Variants in ATAD2 observed in about 807,000 individuals in gnomAD.
The protein encoded by ATAD2 is ATPase family AAA domain-containing protein 2.
ATAD2 carries 62 observed loss-of-function variants against 168.9 expected under a neutral mutation model. The observed-to-expected ratio is 0.37, with a 90% CI of 0.30 to 0.45. The LOEUF (loss-of-function observed/expected upper bound fraction) is 0.45. Among genes scored for constraint, ATAD2 ranks in the 20% least tolerant of loss-of-function variants. The pLI is 1.00. For synonymous variants in ATAD2, 613 were observed against 571.6 expected (o/e 1.07, Z -1.03); for missense variants, 1,419 against 1,667.8 (o/e 0.85, Z 2.60).
chr8:123,336,836 C>T (rs72722096), intron 21 of ATAD2, among the ~76,000 whole-genome samples: 88 of 152,114 alleles, frequency 5.8e-4, no homozygotes, highest in Non-Finnish European at 9.4e-4. Flanking sequence ...TAAGACGTGG[C>T]TCTCCAGGTC....
intron 22 of ATAD2, 94 bp from the exon 23 acceptor site, chr8:123,334,416 T>TA: frequency 1.7e-6 from 2 of 1,180,476 alleles, no homozygotes; most frequent in Non-Finnish European, 2.3e-6. Context: ...TAGTAGCTCT[T>TA]ACAATTCCTT....
At chr8:123,336,731 TC>T (rs201084707) in intron 21 of ATAD2, among the ~76,000 whole-genome samples, 199 bp from the exon 22 acceptor site, 3,508 of 152,236 alleles carry the variant, frequency 0.023, 138 homozygotes, top group African/African-American at 0.081. Context: ...AGCTGTATCC[TC>T]CAGTAATTGT....
At chr8:123,344,352 T>TC (rs1471722374) in intron 19 of ATAD2, among the ~76,000 whole-genome samples, 3 of 147,654 alleles carry the variant, frequency 2.0e-5, no homozygotes, top group Admixed American at 6.7e-5. Context: ...TACTTTTTTT[T>TC]TTTTTTTTTT....
intron 8 of ATAD2, among the ~76,000 whole-genome samples, chr8:123,366,563 T>C (rs1364215500): frequency 2.0e-5 from 3 of 152,206 alleles, no homozygotes; most frequent in Non-Finnish European, 4.4e-5. Context: ...AGGAATGAAT[T>C]AATGGCATTT....
chr8:123,342,611 T>C (rs1385858522), intron 19 of ATAD2: 1 of 152,192 alleles, frequency 6.6e-6, no homozygotes, highest in African/African-American at 2.4e-5. Flanking sequence ...GGCGACAGTG[T>C]AGGGTATGAA....
intron 1 of ATAD2, among the ~76,000 whole-genome samples, chr8:123,392,013 G>C (rs1829837653): frequency 6.6e-6 from 1 of 152,186 alleles, no homozygotes; most frequent in Non-Finnish European, 1.5e-5. Context: ...ATCCAGCAGA[G>C]TGCATTCTAA....
chr8:123,389,986 T>TATA (rs58743148), intron 1 of ATAD2, among the ~76,000 whole-genome samples: 3,335 of 67,300 alleles, frequency 0.05, 85 homozygotes, highest in African/African-American at 0.11. Context: ...ATATATATAT[T>TATA]TTTTTTTTTT....
intron 1 of ATAD2, among the ~76,000 whole-genome samples, chr8:123,390,558 T>G (rs989778657): frequency 6.6e-6 from 1 of 152,234 alleles, no homozygotes; most frequent in African/African-American, 2.4e-5. Context: ...CTTTTCATGT[T>G]TCTGTACTGT....
At chr8:123,325,278 T>G in intron 26 of ATAD2, among the ~76,000 whole-genome samples, 1 of 148,738 alleles carries the variant, frequency 6.7e-6, no homozygotes, top group Non-Finnish European at 1.5e-5. Flanking sequence ...TTGTTTTATC[T>G]ATTATTTATT....
Position 123,361,564 on chromosome 8 carries a change from T to G in ATAD2, c.1132A>C (p.Arg378=). Residue 378 remains arginine, a synonymous_variant, in exon 9 of 28, where the codon AGG becomes CGG. Transcript: ENST00000287394. ...CTATTGATAGCCCTATTACGACTCC[T>G]TTTCCTCCGCCTCTCAAAGTGCTGT... ...DEQHFERRRK[R]SRNRAINRCL... The G allele has an allele frequency of 1.9e-6, 3 of 1,612,168 alleles. No homozygotes were observed. Among genetic ancestry groups the G allele is most frequent in the Non-Finnish European group, 2.5e-6 (3 of 1,178,622 alleles).
At chr8:123,391,797 T>C (rs1829832977) in intron 1 of ATAD2, among the ~76,000 whole-genome samples, 1 of 152,222 alleles carries the variant, frequency 6.6e-6, no homozygotes, top group South Asian at 2.1e-4. Context: ...TTGGTACTGA[T>C]GGGCTTGTCA....
At chr8:123,388,917 G>C (rs550984360) in intron 1 of ATAD2, among the ~76,000 whole-genome samples, 4 of 151,662 alleles carry the variant, frequency 2.6e-5, no homozygotes, top group Non-Finnish European at 5.9e-5. Flanking sequence ...TTAAAATACA[G>C]GCATTGCTTC....
Position 123,406,773 on chromosome 8 carries a change from C to T in ATAD2, c.-2281-5598G>A, listed in dbSNP as rs574504500. On this transcript the variant is annotated intron_variant, in intron 1 of 28. Transcript: ENST00000521903. ...TGGAGGCTGCAGTGAGCCGAGATCT[C>T]GCCACTGCACTTTAGCCTGGGTGAT... 5.4e-5 allele frequency among the ~76,000 whole-genome samples: 8 copies of T among 148,458 alleles called. No homozygotes were observed. The East Asian group carries it at 8.0e-4, about 15-fold the overall frequency.
chr8:123,395,395 A>T (rs997244810), intron 1 of ATAD2, among the ~76,000 whole-genome samples: 9 of 152,162 alleles, frequency 5.9e-5, no homozygotes, highest in Admixed American at 3.3e-4. Flanking sequence ...ACCTAGAAGC[A>T]GCACTTCTTT....
intron 1 of ATAD2, among the ~76,000 whole-genome samples, chr8:123,394,949 A>G (rs1456445660): frequency 6.6e-6 from 1 of 152,240 alleles, no homozygotes; most frequent in East Asian, 1.9e-4. Flanking sequence ...TCAGTAGAGT[A>G]GCAACCAGAA....
chr8:123,333,794 T>C (rs1473537995), intron 24 of ATAD2, 84 bp downstream of exon 24: 3 of 1,390,418 alleles, frequency 2.2e-6, no homozygotes, highest in Non-Finnish European at 2.9e-6. Context: ...TTAACACAAA[T>C]AAAGGAAAAT....
At chr8:123,359,411 T>C in intron 10 of ATAD2, 75 bp from the exon 11 acceptor site, 2 of 1,241,264 alleles carry the variant, frequency 1.6e-6, no homozygotes, top group Non-Finnish European at 2.3e-6. Flanking sequence ...CCATACACAG[T>C]CAATGAAGTA....
Position 123,396,421 on chromosome 8 carries a change from C to G in ATAD2, c.-64G>C, listed in dbSNP as rs1812835765. On this transcript the variant is annotated 5_prime_UTR_variant, in exon 1 of 28. Transcript: ENST00000287394. ...GAGATCCAGCTCCAGGCGCTCGCAGCTCTGGCTCTTCCGCGCTCCGAATTC... is the reference window on the plus strand; with the variant it reads ...GAGATCCAGCTCCAGGCGCTCGCAGGTCTGGCTCTTCCGCGCTCCGAATTC... 7.0e-7 allele frequency: 1 copy of G among 1,431,268 alleles called. No individual in the cohort carries two copies. The highest frequency in any genetic ancestry group is 2.7e-5 in the Admixed American group (1 of 37,714). 88.7% of individuals were successfully genotyped at this position (1,431,268 alleles called of 1,614,324 possible). A position where few individuals can be genotyped will look rare whatever the true frequency, so the allele number is the denominator to read the frequency against.
chr8:123,353,328 C>A (rs1225742528), intron 13 of ATAD2, among the ~76,000 whole-genome samples: 5 of 152,154 alleles, frequency 3.3e-5, no homozygotes, highest in Non-Finnish European at 5.9e-5. Context: ...CATACCACTG[C>A]ACTCCAGCCT....
Sources: allele counts gnomAD v4.1 joint callset (sites outside exome capture counted in the v4.1 genomes callset), GRCh38; gene constraint gnomAD v4.1.1; transcripts MANE v1.5; gene names NCBI Gene and HGNC (gene_info 2026-07-23, HGNC 2026-07-21).